The following PCED1B variants were observed in gnomAD, a reference collection of about 807,000 sequenced individuals.
PCED1B encodes PC-esterase domain containing 1B.
For synonymous variants in PCED1B, 251 were observed against 246.1 expected (o/e 1.02, Z -0.19); for missense variants, 573 against 573.9 (o/e 1.00, Z 0.02).
chr12:47,160,548 T>C (rs1485806246), intron 2 of PCED1B, among the ~76,000 whole-genome samples: 1 of 151,986 alleles, frequency 6.6e-6, no homozygotes, highest in Non-Finnish European at 1.5e-5. Context: ...TCAAGCAATC[T>C]TCAATGTTTC....
chr12:47,234,167 T>G (rs1397071731), intron 3 of PCED1B, among the ~76,000 whole-genome samples: 1 of 152,140 alleles, frequency 6.6e-6, no homozygotes, highest in Non-Finnish European at 1.5e-5. Flanking sequence ...TTTGAATTTT[T>G]AGTAGAGACG....
intron 1 of PCED1B, among the ~76,000 whole-genome samples, chr12:47,081,652 TC>T (rs1353490761): frequency 1.3e-5 from 2 of 152,228 alleles, no homozygotes; most frequent in African/African-American, 4.8e-5. Context: ...AAGCTTGGTC[TC>T]CAGGACTTCA....
At chr12:47,137,987 A>G (rs569060567) in intron 2 of PCED1B, among the ~76,000 whole-genome samples, 1 of 152,294 alleles carries the variant, frequency 6.6e-6, no homozygotes, top group Non-Finnish European at 1.5e-5. Context: ...GAAATTGCCT[A>G]TGAACAGTTC....
At chr12:47,081,314 G>T (rs993130846) in intron 1 of PCED1B, among the ~76,000 whole-genome samples, 1 of 152,056 alleles carries the variant, frequency 6.6e-6, no homozygotes, top group Admixed American at 6.6e-5. Context: ...CCTCCCCCGC[G>T]CACCTTTTCA....
At chr12:47,171,625 A>G (rs747375522) in intron 2 of PCED1B, among the ~76,000 whole-genome samples, 3 of 152,158 alleles carry the variant, frequency 2.0e-5, no homozygotes, top group Admixed American at 6.5e-5. Context: ...GATATTTTCT[A>G]TGAATTCTTG....
At chr12:47,142,327 C>A (rs999552763) in intron 2 of PCED1B, among the ~76,000 whole-genome samples, 1 of 152,152 alleles carries the variant, frequency 6.6e-6, no homozygotes, top group African/African-American at 2.4e-5. Context: ...AACAAGAGGT[C>A]TTTACCTGCT....
At chr12:47,142,702 C>A (rs1413329257) in intron 2 of PCED1B, among the ~76,000 whole-genome samples, 1 of 151,792 alleles carries the variant, frequency 6.6e-6, no homozygotes, top group Non-Finnish European at 1.5e-5. Context: ...GCTTCAACAA[C>A]AGACTTGATC....
intron 2 of PCED1B, among the ~76,000 whole-genome samples, chr12:47,195,922 T>G (rs1301678579): frequency 3.3e-5 from 5 of 152,248 alleles, no homozygotes; most frequent in Non-Finnish European, 7.3e-5. Flanking sequence ...TTCTTGAACT[T>G]AATAATTACA....
In PCED1B at chr12:47,191,079, T is replaced by C. The variant is rs1295202163; in HGVS notation, c.-525-25143T>C. 3.3e-5 allele frequency among the ~76,000 whole-genome samples: 5 copies of C among 152,312 alleles called. 1 individual carries two copies. ...TGACTACCCTCTAACGAAATGACTATGTGCAAGCAAACATGCATGGAGGAA... is the reference window on the plus strand; with the variant it reads ...TGACTACCCTCTAACGAAATGACTACGTGCAAGCAAACATGCATGGAGGAA... On this transcript the variant is annotated intron_variant, in intron 2 of 3. Transcript: ENST00000546455.
At chr12:47,125,781 G>A (rs1342032458) in intron 2 of PCED1B, among the ~76,000 whole-genome samples, 1 of 151,992 alleles carries the variant, frequency 6.6e-6, no homozygotes, top group African/African-American at 2.4e-5. Context: ...AGGGAATTAT[G>A]TTTTTAATTT....
In PCED1B at chr12:47,235,408, C is replaced by T; in HGVS notation, c.345C>T (p.Ala115=). ...ILKELQSGEH[A]PDLVIMNSCL... is the part of the protein sequence containing the mutation. ...AAGAGCTGCAGTCGGGCGAGCACGC[C>T]CCCGACCTGGTCATCATGAATTCCT... is the stretch of plus-strand genomic sequence containing the variant. The change falls in exon 4 of 4, where the codon GCC becomes GCT. Residue 115 remains alanine, a synonymous_variant. Coordinates refer to ENST00000546455, the MANE Select transcript of PCED1B (RefSeq NM_138371.3). 1 of 1,614,168 alleles carries T rather than the reference C, an allele frequency of 6.2e-7. No homozygotes were observed.
intron 2 of PCED1B, chr12:47,209,428 G>A (rs751591188): frequency 2.4e-4 from 36 of 152,210 alleles, no homozygotes; most frequent in Non-Finnish European, 4.3e-4. Context: ...GGAGTTTGCC[G>A]TGAGCCAAGA....
chr12:47,097,229 CAT>C (rs1463811024), intron 1 of PCED1B, among the ~76,000 whole-genome samples: 2 of 152,188 alleles, frequency 1.3e-5, no homozygotes, highest in South Asian at 4.1e-4. Context: ...TAAAATAACT[CAT>C]ATGTCTATAA....
intron 2 of PCED1B, among the ~76,000 whole-genome samples, chr12:47,153,744 G>C (rs949060638): frequency 2.6e-5 from 4 of 152,094 alleles, no homozygotes; most frequent in African/African-American, 9.7e-5. Flanking sequence ...TCTTTCCTCT[G>C]AATTATGAAA....
chr12:47,111,075 T>C (rs892043089), intron 2 of PCED1B, among the ~76,000 whole-genome samples: 1 of 152,220 alleles, frequency 6.6e-6, no homozygotes, highest in Non-Finnish European at 1.5e-5. Flanking sequence ...AATTGATTTT[T>C]GGTACAACTG....
At chr12:47,152,041 G>C (rs530051859) in intron 2 of PCED1B, among the ~76,000 whole-genome samples, 1 of 152,120 alleles carries the variant, frequency 6.6e-6, no homozygotes, top group Non-Finnish European at 1.5e-5. Flanking sequence ...CTTTACAGTA[G>C]AATTCCAATT....
chr12:47,235,789 G>C lies in PCED1B; in HGVS notation c.726G>C (p.Gln242His). The change falls in exon 4 of 4, where the codon CAG becomes CAC. Residue 242 changes from glutamine (Q) to histidine (H), a missense_variant. Transcript: ENST00000546455. ...WNGRVHRCLS[Q>H]LLLAHVADAW... is the part of the protein sequence containing the mutation. ...GACGTGTGCACCGCTGCCTCTCCCAGCTGCTGCTGGCCCACGTGGCCGACG... is the reference window on the plus strand; with the variant it reads ...GACGTGTGCACCGCTGCCTCTCCCACCTGCTGCTGGCCCACGTGGCCGACG... 1 of 1,585,346 alleles carries C rather than the reference G, an allele frequency of 6.3e-7. No homozygotes were observed. The highest frequency in any genetic ancestry group is 1.1e-5 in the South Asian group (1 of 87,978).
At chr12:47,177,464 A>T (rs1941959399) in intron 2 of PCED1B, among the ~76,000 whole-genome samples, 1 of 152,144 alleles carries the variant, frequency 6.6e-6, no homozygotes, top group African/African-American at 2.4e-5. Flanking sequence ...CACTAAACCC[A>T]TATGTAACCT....
At chr12:47,105,340 T>C (rs1592145374) in intron 2 of PCED1B, among the ~76,000 whole-genome samples, 1 of 151,924 alleles carries the variant, frequency 6.6e-6, no homozygotes, top group Non-Finnish European at 1.5e-5. Context: ...TGTAAGGGAG[T>C]GCAGGTGGCT....
Sources: allele counts gnomAD v4.1 joint callset (sites outside exome capture counted in the v4.1 genomes callset), GRCh38; gene constraint gnomAD v4.1.1; transcripts MANE v1.5; gene names NCBI Gene and HGNC (gene_info 2026-07-23, HGNC 2026-07-21).